FNBP1L: variants seen among roughly 807,000 people sequenced by gnomAD.
The protein encoded by FNBP1L is formin-binding protein 1-like.
FNBP1L carries 36 observed loss-of-function variants against 91.2 expected under a neutral mutation model. The observed-to-expected ratio is 0.39, with a 90% CI of 0.30 to 0.52. FNBP1L has a LOEUF of 0.52. FNBP1L is among the 20% of genes least tolerant of loss of function. The pLI is 0.66. For synonymous variants in FNBP1L, 242 were observed against 237.0 expected (o/e 1.02, Z -0.19); for missense variants, 571 against 732.1 (o/e 0.78, Z 2.54).
At chr1:93,505,722 C>T (rs541201515) in intron 2 of FNBP1L, among the ~76,000 whole-genome samples, 103 of 152,276 alleles carry the variant, frequency 6.8e-4, no homozygotes, top group African/African-American at 2.4e-3. Flanking sequence ...ACTATTTATT[C>T]CTAATTAGAT....
At chr1:93,530,955 G>T (rs901070065) in intron 7 of FNBP1L, 72 bp downstream of exon 7, 114 of 1,234,170 alleles carry the variant, frequency 9.2e-5, no homozygotes, top group Non-Finnish European at 1.2e-4. Context: ...GTAAGTCTTA[G>T]ACATCAGAAT....
rs1670128954 is a variant in FNBP1L at position 93,492,519 on chromosome 1, G to A, written c.25-6949G>A. On this transcript the variant is annotated intron_variant, in intron 1 of 16. Coordinates refer to ENST00000271234, the MANE Select transcript of FNBP1L (RefSeq NM_001164473.3). ...ATTTAAAATGTGAGTTGATACTGGTGTCTTGTCTTGGACTTAGAAAGTTTC... is the reference window on the plus strand; with the variant it reads ...ATTTAAAATGTGAGTTGATACTGGTATCTTGTCTTGGACTTAGAAAGTTTC... Among the ~76,000 whole-genome samples, 3 of 152,176 alleles carry A rather than the reference G, an allele frequency of 2.0e-5. No individual in the cohort carries two copies. In the South Asian group the frequency reaches 6.2e-4, roughly 32 times the overall value.
At position 93,541,048 on chromosome 1, in the gene FNBP1L, G is replaced by A; in HGVS notation, c.1156G>A (p.Val386Met). ...SFRSLKRGWS[V>M]KMGPALEDFS... ...TTTCCATTGAACTATTCAGTGGTCGGTGAAGATGGTAAGCCTTATGTGCTG... is the reference window on the plus strand; with the variant it reads ...TTTCCATTGAACTATTCAGTGGTCGATGAAGATGGTAAGCCTTATGTGCTG... Residue 386 changes from valine (V) to methionine (M), a missense_variant, in exon 11 of 17, where the codon GTG becomes ATG. By Grantham distance (21) the Val-to-Met change is conservative (BLOSUM62 1). Transcript: ENST00000271234. 2 of 1,536,370 alleles carry A rather than the reference G, an allele frequency of 1.3e-6. No individual in the cohort carries two copies. The highest frequency in any genetic ancestry group is 2.5e-5 in the East Asian group (1 of 40,794).
chr1:93,495,720 A>T (rs1670239347), intron 1 of FNBP1L, among the ~76,000 whole-genome samples: 1 of 152,188 alleles, frequency 6.6e-6, no homozygotes, highest in Non-Finnish European at 1.5e-5. Flanking sequence ...TGTCCCTTCA[A>T]GATAAAAGAG....
intron 1 of FNBP1L, among the ~76,000 whole-genome samples, chr1:93,486,739 TG>T (rs1313668238): frequency 1.3e-5 from 2 of 152,240 alleles, no homozygotes; most frequent in African/African-American, 4.8e-5. Flanking sequence ...TTTAGACCTA[TG>T]CCCACTTACT....
intron 2 of FNBP1L, among the ~76,000 whole-genome samples, chr1:93,515,642 A>G (rs1671069516): frequency 6.6e-6 from 1 of 151,692 alleles, no homozygotes; most frequent in Non-Finnish European, 1.5e-5. Context: ...GGAAATCATC[A>G]TTCTCAGTAA....
chr1:93,469,040 C>G (rs1281377850), intron 1 of FNBP1L, among the ~76,000 whole-genome samples: 1 of 151,772 alleles, frequency 6.6e-6, no homozygotes, highest in Non-Finnish European at 1.5e-5. Context: ...GCTTATTGTT[C>G]ATTTGTATAT....
chr1:93,517,051 T>C (rs1022240646), intron 2 of FNBP1L, among the ~76,000 whole-genome samples: 1 of 151,474 alleles, frequency 6.6e-6, no homozygotes, highest in African/African-American at 2.4e-5. Context: ...TCCTTTTTTT[T>C]TTTTTTGAGA....
chr1:93,510,366 T>A (rs145762033), intron 2 of FNBP1L, among the ~76,000 whole-genome samples: 54 of 151,704 alleles, frequency 3.6e-4, no homozygotes, highest in African/African-American at 6.3e-4. Context: ...CTCACACGGC[T>A]GGGTACTCCA....
At chr1:93,521,045 AAACCAACCAACC>A (rs56108498) in intron 2 of FNBP1L, among the ~76,000 whole-genome samples, 1 of 150,816 alleles carries the variant, frequency 6.6e-6, no homozygotes, top group Non-Finnish European at 1.5e-5. Flanking sequence ...CCATCTCAAT[AAACCAACCAACC>A]AACCAACCAA....
chr1:93,526,530 A>C (rs906752862), intron 5 of FNBP1L, among the ~76,000 whole-genome samples: 7 of 152,218 alleles, frequency 4.6e-5, no homozygotes, highest in Non-Finnish European at 2.9e-5. Context: ...GTCCCCAACA[A>C]ATTTCCTCTG....
At chr1:93,528,477 A>G (rs1671563111) in intron 5 of FNBP1L, among the ~76,000 whole-genome samples, 1 of 152,222 alleles carries the variant, frequency 6.6e-6, no homozygotes, top group African/African-American at 2.4e-5. Context: ...AATTTTGTCA[A>G]TTAAAAATGA....
intron 2 of FNBP1L, among the ~76,000 whole-genome samples, chr1:93,511,702 C>T (rs958243722): frequency 2.0e-5 from 3 of 152,262 alleles, no homozygotes; most frequent in Non-Finnish European, 4.4e-5. Context: ...TGCGGTGGCT[C>T]ACGCCTGTAA....
intron 1 of FNBP1L, among the ~76,000 whole-genome samples, chr1:93,454,332 GTGTC>G (rs1376468693): frequency 8.9e-6 from 1 of 112,388 alleles, no homozygotes; most frequent in Non-Finnish European, 2.2e-5. Flanking sequence ...GTGTATGGGT[GTGTC>G]TGTGTGTGTG....
intron 1 of FNBP1L, among the ~76,000 whole-genome samples, chr1:93,459,734 G>A (rs1359122532): frequency 6.6e-6 from 1 of 152,148 alleles, no homozygotes; most frequent in Admixed American, 6.5e-5. Context: ...TTATCCAAAG[G>A]ATAGGAAATT....
intron 1 of FNBP1L, among the ~76,000 whole-genome samples, chr1:93,494,672 A>G (rs775717068): frequency 1.2e-4 from 18 of 152,174 alleles, no homozygotes; most frequent in Non-Finnish European, 1.3e-4. Flanking sequence ...AGGGGTGGAG[A>G]CCAAATGTAT....
At chr1:93,499,387 T>A (rs1022416839) in intron 1 of FNBP1L, 81 bp from the exon 2 acceptor site, 11 of 890,858 alleles carry the variant, frequency 1.2e-5, no homozygotes, top group Non-Finnish European at 2.0e-5. Context: ...TGCTTCTCTG[T>A]ACAAATACCA....
At chr1:93,465,563 A>G (rs1404147905) in intron 1 of FNBP1L, among the ~76,000 whole-genome samples, 2 of 152,202 alleles carry the variant, frequency 1.3e-5, no homozygotes, top group Non-Finnish European at 2.9e-5. Flanking sequence ...ATAGTATTCC[A>G]TGGTATATAT....
intron 1 of FNBP1L, among the ~76,000 whole-genome samples, chr1:93,485,204 G>C (rs1335400470): frequency 1.4e-5 from 2 of 146,866 alleles, no homozygotes; most frequent in Non-Finnish European, 3.0e-5. Context: ...ACATTACAAA[G>C]AACTGTGAAA....
Sources: allele counts gnomAD v4.1 joint callset (sites outside exome capture counted in the v4.1 genomes callset), GRCh38; gene constraint gnomAD v4.1.1; transcripts MANE v1.5; gene names NCBI Gene and HGNC (gene_info 2026-07-23, HGNC 2026-07-21).